SORBS2: variants seen among roughly 807,000 people sequenced by gnomAD.
SORBS2 encodes the protein sorbin and SH3 domain-containing protein 2.
A neutral mutation model predicts 97.7 loss-of-function variants in SORBS2; 46 were observed. The ratio of observed to expected loss-of-function variants is 0.47; its 90% CI spans 0.37 to 0.60. The LOEUF is 0.60. SORBS2 is among the 20% of genes least tolerant of loss of function. SORBS2 has a pLI of 0.00. For missense variants in SORBS2, 1,316 were observed against 1,282.3 expected (o/e 1.03, Z -0.40); for synonymous variants, 476 against 473.4 (o/e 1.01, Z -0.07).
intron 1 of SORBS2, among the ~76,000 whole-genome samples, chr4:185,931,093 C>G (rs1320323612): frequency 6.6e-6 from 1 of 152,072 alleles, no homozygotes; most frequent in East Asian, 1.9e-4. Context: ...AACAATTCTA[C>G]ACAGAATTAC....
At chr4:185,923,543 A>G (rs540652947) in intron 1 of SORBS2, among the ~76,000 whole-genome samples, 92 of 142,640 alleles carry the variant, frequency 6.4e-4, no homozygotes, top group Non-Finnish European at 1.1e-3. Context: ...GCCTCAAGCA[A>G]TCTTCCTGCC....
intron 2 of SORBS2, among the ~76,000 whole-genome samples, chr4:185,692,549 T>C (rs533050434): frequency 9.8e-5 from 15 of 152,322 alleles, no homozygotes; most frequent in African/African-American, 3.1e-4. Flanking sequence ...TCTTTCAATG[T>C]GGCTATTGGA....
intron 1 of SORBS2, among the ~76,000 whole-genome samples, chr4:185,808,193 A>T (rs2153664460): frequency 6.6e-6 from 1 of 152,318 alleles, no homozygotes; most frequent in Admixed American, 6.5e-5. Context: ...TATTTATCTT[A>T]CTTTTATTAG....
chr4:185,865,387 T>G (rs956217903), intron 1 of SORBS2, among the ~76,000 whole-genome samples: 1 of 152,140 alleles, frequency 6.6e-6, no homozygotes, highest in African/African-American at 2.4e-5. Context: ...CAACACCCAC[T>G]AATTTAACTC....
Position 185,770,911 on chromosome 4 carries a change from G to A in SORBS2, c.-198+4316C>T, listed in dbSNP as rs372709713. 2.0e-5 allele frequency: 3 copies of A among 150,258 alleles called. No homozygotes were observed. The East Asian group carries it at 5.9e-4, about 29-fold the overall frequency. 9.3% of individuals were successfully genotyped at this position (150,258 alleles called of 1,614,324 possible). A position where few individuals can be genotyped will look rare whatever the true frequency, so the allele number is the denominator to read the frequency against. ...TAGAGAAATATTTGCACATACACTA[G>A]CTTGGTGTTGATTCTCAATTTTTAA... On this transcript the variant is annotated intron_variant, in intron 2 of 20. Transcript: ENST00000284776.
chr4:185,662,601 C>G (rs2097538004), intron 4 of SORBS2, among the ~76,000 whole-genome samples: 1 of 152,204 alleles, frequency 6.6e-6, no homozygotes, highest in Non-Finnish European at 1.5e-5. Flanking sequence ...CATCAGCAAT[C>G]AGAACACGGT....
chr4:185,947,077 T>C (rs1219953027), intron 1 of SORBS2, among the ~76,000 whole-genome samples: 1 of 152,228 alleles, frequency 6.6e-6, no homozygotes, highest in African/African-American at 2.4e-5. Context: ...AAGGAGGATT[T>C]GTGTCTCCGC....
At chr4:185,768,712 C>CAA (rs72088117) in intron 2 of SORBS2, among the ~76,000 whole-genome samples, 4 of 116,818 alleles carry the variant, frequency 3.4e-5, no homozygotes, top group African/African-American at 1.3e-4. Context: ...AAAAAAAAAA[C>CAA]AAAAAAACAA....
chr4:185,858,110 G>A (rs543725475), intron 1 of SORBS2, among the ~76,000 whole-genome samples: 7 of 152,260 alleles, frequency 4.6e-5, no homozygotes, highest in South Asian at 2.1e-4. Context: ...ATCAATATGC[G>A]ATGGCACCCC....
At chr4:185,918,956 G>A (rs78322523) in intron 1 of SORBS2, among the ~76,000 whole-genome samples, 8,260 of 152,210 alleles carry the variant, frequency 0.054, 362 homozygotes, top group East Asian at 0.14. Context: ...TGCAGCATTT[G>A]ATGTACAAAA....
At chr4:185,664,576 G>A (rs1329266967) in intron 4 of SORBS2, among the ~76,000 whole-genome samples, 6 of 152,196 alleles carry the variant, frequency 3.9e-5, no homozygotes, top group Admixed American at 3.3e-4. Flanking sequence ...GGAGGGACTC[G>A]CTATGGGGTT....
At chr4:185,673,528 A>ATTAT (rs1466880360) in intron 4 of SORBS2, among the ~76,000 whole-genome samples, 2 of 152,206 alleles carry the variant, frequency 1.3e-5, no homozygotes, top group Non-Finnish European at 2.9e-5. Flanking sequence ...TTGGAAAAAT[A>ATTAT]TTATTTAATG....
rs77308663 is a variant in SORBS2, at chr4:185,742,131, T to G, written c.-198+33096A>C. On this transcript the variant is annotated intron_variant, in intron 2 of 20. Transcript: ENST00000284776. ...TGATGAAGACGATAATCTCTAGCTC[T>G]CAGGGGCCAGCCCTGGCTACACAGT... 7.8e-3 allele frequency among the ~76,000 whole-genome samples: 1,191 copies of G among 152,356 alleles called. 23 individuals are homozygous for G. Among genetic ancestry groups the G allele is most frequent in the African/African-American group, 0.027 (1,142 of 41,594 alleles).
chr4:185,611,448 G>A (rs1325466779), intron 12 of SORBS2, among the ~76,000 whole-genome samples: 1 of 151,520 alleles, frequency 6.6e-6, no homozygotes, highest in Non-Finnish European at 1.5e-5. Context: ...GAAGCTTTAG[G>A]AAAAAATTAT....
chr4:185,618,528 G>T, intron 9 of SORBS2, 57 bp downstream of exon 21: 1 of 965,264 alleles, frequency 1.0e-6, no homozygotes, highest in Non-Finnish European at 1.5e-6. Context: ...ATCTCTTAAA[G>T]CATTACTAAC....
At chr4:185,644,802 G>T (rs901153384) in intron 4 of SORBS2, among the ~76,000 whole-genome samples, 1 of 152,166 alleles carries the variant, frequency 6.6e-6, no homozygotes, top group African/African-American at 2.4e-5. Context: ...AGTCTTTAAA[G>T]TCTTTTTTAA....
chr4:185,623,739 G>T lies in SORBS2; in HGVS notation c.1390C>A (p.Gln464Lys). ...CGGCCCCGAGCGGGGGGGCCGCTTT[G>T]ATTTTCTTCCTCCAGCAAATACTCA... Residue 464 changes from glutamine (Q) to lysine (K), a missense_variant, in exon 7 of 15, where the codon CAA becomes AAA. Physicochemically the swap from Gln to Lys is moderately conservative, Grantham distance 53. Coordinates refer to ENST00000418609, the Ensembl canonical transcript of SORBS2. The surrounding 1 kb of genome is among the most constrained non-coding windows in gnomAD (Gnocchi z 6.4). 1 of 1,613,942 alleles carries T rather than the reference G, an allele frequency of 6.2e-7. No homozygotes were observed. Among genetic ancestry groups the T allele is most frequent in the Non-Finnish European group, 8.5e-7 (1 of 1,179,918 alleles).
intron 1 of SORBS2, among the ~76,000 whole-genome samples, chr4:185,914,056 A>C (rs1217303954): frequency 1.3e-5 from 2 of 152,148 alleles, no homozygotes; most frequent in African/African-American, 2.4e-5. Context: ...GAGTACCAAA[A>C]CAAGTATGTT....
chr4:185,824,794 A>C (rs1487806545), intron 1 of SORBS2, among the ~76,000 whole-genome samples: 1 of 152,204 alleles, frequency 6.6e-6, no homozygotes, highest in East Asian at 1.9e-4. Flanking sequence ...TGATATGTTG[A>C]AAAGATTCTA....
Sources: gnomAD v4.1 joint callset for allele counts (sites outside exome capture counted in the v4.1 genomes callset) on GRCh38, gnomAD v4.1.1 for gene constraint, Gnocchi (gnomAD v3.1) non-coding constraint, MANE v1.5 for transcripts, NCBI Gene and HGNC (gene_info 2026-07-23, HGNC 2026-07-21) for gene names.